The following RERG variants were observed in gnomAD, a reference collection of about 807,000 sequenced individuals.
RERG encodes RAS like estrogen regulated growth inhibitor, also known as ras-related and estrogen-regulated growth inhibitor.
In RERG, 25 loss-of-function variants were observed where a neutral mutation model predicts 23.2. The ratio of observed to expected loss-of-function variants is 1.08; its 90% CI spans 0.79 to 1.50. The LOEUF (loss-of-function observed/expected upper bound fraction) is 1.50, where lower values mean the gene tolerates loss of function less well. Among genes scored for constraint, RERG ranks in the 40% most tolerant of loss-of-function variants. The pLI is 0.00. For synonymous variants in RERG, 81 were observed against 89.1 expected (o/e 0.91, Z 0.51); for missense variants, 253 against 250.1 (o/e 1.01, Z -0.08).
At chr12:15,119,029 T>G (rs528723307) in intron 3 of RERG, among the ~76,000 whole-genome samples, 2 of 147,496 alleles carry the variant, frequency 1.4e-5, no homozygotes, top group African/African-American at 5.0e-5. Context: ...AACCCCTCTA[T>G]GCTGGAACAA....
intron 2 of RERG, among the ~76,000 whole-genome samples, chr12:15,178,044 C>T (rs1864876487): frequency 6.6e-6 from 1 of 151,834 alleles, no homozygotes; most frequent in Non-Finnish European, 1.5e-5. Context: ...AGATTGAAAC[C>T]CTTCCCTGGA....
At chr12:15,177,545 T>G (rs867957359) in intron 2 of RERG, among the ~76,000 whole-genome samples, 3 of 152,232 alleles carry the variant, frequency 2.0e-5, no homozygotes, top group Non-Finnish European at 2.9e-5. Context: ...TTCATACCAT[T>G]GCTTAATAGA....
At chr12:15,163,274 G>A (rs1864640045) in intron 2 of RERG, among the ~76,000 whole-genome samples, 1 of 152,158 alleles carries the variant, frequency 6.6e-6, no homozygotes, top group Non-Finnish European at 1.5e-5. Context: ...AAGAAGAGAT[G>A]AAGATTAAAA....
At chr12:15,165,077 T>A (rs764838606) in intron 2 of RERG, among the ~76,000 whole-genome samples, 32 of 152,176 alleles carry the variant, frequency 2.1e-4, no homozygotes, top group Non-Finnish European at 3.2e-4. Context: ...AAAACCCAAA[T>A]TGATTCTGAG....
rs566349174 is a variant in RERG, at chr12:15,175,982, T to G, written c.61+41447A>C. Among the ~76,000 whole-genome samples the G allele has an allele frequency of 2.0e-5, 3 of 152,254 alleles. No individual in the cohort carries two copies. In the South Asian group the frequency reaches 6.2e-4, roughly 32 times the overall value. On this transcript the variant is annotated intron_variant, in intron 2 of 4. Coordinates refer to ENST00000256953, the MANE Select transcript of RERG (RefSeq NM_032918.3). ...ACAAACTCTGCAGTTCTTAATGAGG[T>G]TCAGCAGTTTTTCCTGAATAAGCAG...
intron 2 of RERG, among the ~76,000 whole-genome samples, chr12:15,185,682 A>G (rs1165334574): frequency 1.3e-5 from 2 of 152,080 alleles, no homozygotes; most frequent in Non-Finnish European, 2.9e-5. Flanking sequence ...GGTCTACTAG[A>G]GGGGGAAAGG....
chr12:15,179,026 G>T (rs1864889435), intron 2 of RERG, among the ~76,000 whole-genome samples: 1 of 151,996 alleles, frequency 6.6e-6, no homozygotes, highest in African/African-American at 2.4e-5. Flanking sequence ...CCATGCCCCA[G>T]TTAAAGATTT....
intron 2 of RERG, among the ~76,000 whole-genome samples, chr12:15,207,287 C>G (rs897495869): frequency 6.6e-6 from 1 of 151,916 alleles, no homozygotes; most frequent in Non-Finnish European, 1.5e-5. Flanking sequence ...ATGCTGGATC[C>G]AAAAGGCTCC....
chr12:15,164,624 T>C (rs548233123), intron 2 of RERG, among the ~76,000 whole-genome samples: 65 of 152,314 alleles, frequency 4.3e-4, no homozygotes, highest in African/African-American at 1.5e-3. Context: ...TTTCTATTAG[T>C]TGCCATACCC....
In RERG at chr12:15,181,104, C is replaced by T. The variant is rs141519801; in HGVS notation, c.61+36325G>A. Among the ~76,000 whole-genome samples the T allele has an allele frequency of 1.4e-4, 21 of 152,192 alleles. No homozygotes were observed. In the East Asian group the frequency reaches 2.9e-3, roughly 21 times the overall value. ...CTTTAAAACTCTGTTTTTGGTTCAC[C>T]TTCTGCCGCTGAGACTCTAGTAAGC... is the stretch of plus-strand genomic sequence containing the variant. On this transcript the variant is annotated intron_variant, in intron 2 of 4. Coordinates refer to ENST00000256953, the MANE Select transcript of RERG (RefSeq NM_032918.3).
chr12:15,153,953 C>A (rs1381667126), intron 2 of RERG, among the ~76,000 whole-genome samples: 1 of 152,092 alleles, frequency 6.6e-6, no homozygotes, highest in Non-Finnish European at 1.5e-5. Context: ...GAGACAGACA[C>A]ACACAGAGAG....
rs751991049 is a variant in RERG at position 15,126,908 on chromosome 12, C to CA, written c.62-5790dup. Among the ~76,000 whole-genome samples the CA allele has an allele frequency of 1.2e-4, 18 of 151,984 alleles. No individual in the cohort carries two copies. The East Asian group carries it at 3.1e-3, about 26-fold the overall frequency. ...AATTTTTTTGTATTTTTAGTAGAGA[C>CA]AGAGTTTCACCGTGTTAGCCAGGAC... On this transcript the variant is annotated intron_variant, in intron 2 of 4. Transcript: ENST00000256953.
intron 2 of RERG, among the ~76,000 whole-genome samples, chr12:15,191,658 G>A (rs2417430): frequency 0.084 from 12,722 of 152,078 alleles, 595 homozygotes; most frequent in East Asian, 0.24. Context: ...AAGGTTCCTT[G>A]TTTTCCCTTG....
intron 2 of RERG, among the ~76,000 whole-genome samples, chr12:15,193,310 C>T (rs1355366627): frequency 4.6e-5 from 7 of 152,106 alleles, no homozygotes; most frequent in South Asian, 4.1e-4. Flanking sequence ...TTTGGCTTTA[C>T]GCTGTTATTT....
chr12:15,132,905 A>G (rs1351378486), intron 2 of RERG, among the ~76,000 whole-genome samples: 1 of 151,814 alleles, frequency 6.6e-6, no homozygotes, highest in Non-Finnish European at 1.5e-5. Context: ...GTGATTTTTT[A>G]CAGCAATTTT....
chr12:15,175,641 T>C (rs1451006098), intron 2 of RERG, among the ~76,000 whole-genome samples: 1 of 152,102 alleles, frequency 6.6e-6, no homozygotes, highest in Non-Finnish European at 1.5e-5. Context: ...CAGGCTCTTG[T>C]TTATCTCTCA....
chr12:15,165,766 T>A (rs986390344), intron 2 of RERG, among the ~76,000 whole-genome samples: 4 of 152,318 alleles, frequency 2.6e-5, no homozygotes, highest in African/African-American at 7.2e-5. Flanking sequence ...TGGCACATTT[T>A]TAAATTCCCT....
At chr12:15,188,159 A>G (rs532216760) in intron 2 of RERG, among the ~76,000 whole-genome samples, 15 of 152,280 alleles carry the variant, frequency 9.9e-5, no homozygotes, top group Admixed American at 2.6e-4. Context: ...CCAAGGCCTT[A>G]ACTCCTGTTC....
At chr12:15,202,309 T>C (rs1865228193) in intron 2 of RERG, among the ~76,000 whole-genome samples, 1 of 151,806 alleles carries the variant, frequency 6.6e-6, no homozygotes, top group South Asian at 2.1e-4. Context: ...GAACACGTGA[T>C]ATGAGATCTA....
Sources: allele counts gnomAD v4.1 joint callset (sites outside exome capture counted in the v4.1 genomes callset), GRCh38; gene constraint gnomAD v4.1.1; transcripts MANE v1.5; gene names NCBI Gene and HGNC (gene_info 2026-07-23, HGNC 2026-07-21).